The following WWOX variants were observed in gnomAD, a reference collection of about 807,000 sequenced individuals.
WWOX encodes the protein WW domain containing oxidoreductase.
WWOX carries 69 observed loss-of-function variants against 46.2 expected under a neutral mutation model. The ratio of observed to expected loss-of-function variants is 1.49; its 90% CI spans 1.23 to 1.82. WWOX has a LOEUF of 1.82. WWOX is among the 40% of genes most tolerant of loss of function. The pLI is 0.00. For missense variants in WWOX, 919 were observed against 542.6 expected, an observed-to-expected ratio of 1.69 and a Z score of -6.89; for synonymous variants, 359 against 202.6, an observed-to-expected ratio of 1.77 and a Z score of -6.56.
chr16:78,487,698 A>C (rs112599403), intron 8 of WWOX, among the ~76,000 whole-genome samples: 107 of 152,220 alleles, frequency 7.0e-4, no homozygotes, highest in African/African-American at 2.2e-3. Context: ...GGGATAATAA[A>C]AACATGTCTC....
intron 8 of WWOX, among the ~76,000 whole-genome samples, chr16:78,654,081 C>T (rs1056164703): frequency 8.5e-5 from 13 of 152,180 alleles, no homozygotes; most frequent in African/African-American, 2.9e-4. Flanking sequence ...AAGCAAAATG[C>T]CTTCTCCTAA....
chr16:79,162,266 C>T (rs2050501325), intron 8 of WWOX, among the ~76,000 whole-genome samples: 1 of 152,196 alleles, frequency 6.6e-6, no homozygotes, highest in African/African-American at 2.4e-5. Context: ...CGGAAGTCTG[C>T]CTCTGTGACA....
chr16:78,529,785 G>T (rs953816126), intron 8 of WWOX, among the ~76,000 whole-genome samples: 1 of 152,086 alleles, frequency 6.6e-6, no homozygotes, highest in Non-Finnish European at 1.5e-5. Context: ...GTTTTAAAAT[G>T]CATACTATTA....
chr16:78,744,657 C>G (rs887467184), intron 8 of WWOX, among the ~76,000 whole-genome samples: 1 of 152,066 alleles, frequency 6.6e-6, no homozygotes, highest in Non-Finnish European at 1.5e-5. Flanking sequence ...GTCTTGAATT[C>G]TTGACCTTAA....
intron 8 of WWOX, among the ~76,000 whole-genome samples, chr16:78,706,759 T>G (rs902331683): frequency 6.6e-6 from 1 of 152,296 alleles, no homozygotes; most frequent in South Asian, 2.1e-4. Context: ...CCTCAGATGG[T>G]TCTTCCTGAC....
At chr16:78,717,672 G>A (rs1333731264) in intron 8 of WWOX, among the ~76,000 whole-genome samples, 1 of 152,210 alleles carries the variant, frequency 6.6e-6, no homozygotes, top group Non-Finnish European at 1.5e-5. Context: ...GGTTTTCCAA[G>A]AAGAGGCACT....
intron 8 of WWOX, among the ~76,000 whole-genome samples, chr16:78,758,825 G>T (rs2049720705): frequency 6.6e-6 from 1 of 151,450 alleles, no homozygotes; most frequent in East Asian, 2.0e-4. Flanking sequence ...ATGTATCTCA[G>T]TTGCCATATT....
intron 5 of WWOX, among the ~76,000 whole-genome samples, chr16:78,374,752 G>A (rs559310084): frequency 1.8e-4 from 28 of 151,974 alleles, no homozygotes; most frequent in Admixed American, 3.3e-4. Flanking sequence ...GGGTTTCACC[G>A]TGTTAGCCAG....
chr16:78,308,624 G>C (rs992554125), intron 5 of WWOX, among the ~76,000 whole-genome samples: 1 of 152,198 alleles, frequency 6.6e-6, no homozygotes, highest in Admixed American at 6.5e-5. Flanking sequence ...ATTCTGTAGA[G>C]AACATCCTTC....
intron 8 of WWOX, among the ~76,000 whole-genome samples, chr16:78,575,093 A>ATATG (rs2044843771): frequency 1.8e-5 from 1 of 56,756 alleles, no homozygotes; most frequent in Non-Finnish European, 3.5e-5. Context: ...ATATATATAT[A>ATATG]TATTTAAAGC....
chr16:79,035,033 T>A (rs114540319), intron 8 of WWOX, among the ~76,000 whole-genome samples: 1,847 of 152,338 alleles, frequency 0.012, 37 homozygotes, highest in African/African-American at 0.042. Context: ...TCTTTTAACT[T>A]GTCAACATTT....
chr16:79,041,826 C>T (rs1279175368), intron 8 of WWOX, among the ~76,000 whole-genome samples: 3 of 152,128 alleles, frequency 2.0e-5, no homozygotes, highest in African/African-American at 7.2e-5. Context: ...TCAGACAAAC[C>T]TAGAAGGGAT....
intron 8 of WWOX, among the ~76,000 whole-genome samples, chr16:78,597,020 C>T (rs2045507059): frequency 6.6e-6 from 1 of 152,172 alleles, no homozygotes; most frequent in Admixed American, 6.5e-5. Flanking sequence ...CATGCGATCC[C>T]CTCCCAATCT....
At chr16:78,587,563 C>G (rs2045243426) in intron 8 of WWOX, among the ~76,000 whole-genome samples, 1 of 152,024 alleles carries the variant, frequency 6.6e-6, no homozygotes, top group Non-Finnish European at 1.5e-5. Context: ...GCTCACTGCC[C>G]TCCCCTGATT....
intron 8 of WWOX, among the ~76,000 whole-genome samples, chr16:78,505,861 G>T (rs2085188545): frequency 6.6e-6 from 1 of 152,150 alleles, no homozygotes; most frequent in Admixed American, 6.5e-5. Context: ...GAGGACTCCA[G>T]GGCCATGGAG....
At chr16:79,095,777 C>T (rs138553582) in intron 8 of WWOX, among the ~76,000 whole-genome samples, 5 of 151,834 alleles carry the variant, frequency 3.3e-5, no homozygotes, top group East Asian at 1.9e-4. Flanking sequence ...GAATACAGAC[C>T]TCAGAAAGCC....
intron 5 of WWOX, among the ~76,000 whole-genome samples, chr16:78,365,827 ACT>A (rs370708247): frequency 1.8e-3 from 271 of 152,052 alleles, no homozygotes; most frequent in African/African-American, 6.4e-3. Flanking sequence ...TTCATTTGCA[ACT>A]CTCTTTTCTC....
intron 5 of WWOX, among the ~76,000 whole-genome samples, chr16:78,217,825 G>A (rs2036771967): frequency 1.3e-5 from 2 of 152,248 alleles, no homozygotes; most frequent in Admixed American, 6.5e-5. Flanking sequence ...CTTCTGCACA[G>A]GTCAAGTTCT....
chr16:78,182,487 C>G (rs192169541), intron 5 of WWOX, among the ~76,000 whole-genome samples: 16 of 152,112 alleles, frequency 1.1e-4, no homozygotes, highest in Admixed American at 6.5e-4. Context: ...CCACATCTGC[C>G]TCTGTATCCT....
Sources: gnomAD v4.1 joint callset for allele counts (sites outside exome capture counted in the v4.1 genomes callset) on GRCh38, gnomAD v4.1.1 for gene constraint, MANE v1.5 for transcripts, NCBI Gene and HGNC (gene_info 2026-07-23, HGNC 2026-07-21) for gene names.